Variants in FIRRM observed in about 807,000 individuals in gnomAD.
FIRRM encodes FIGNL1 interacting regulator of recombination and mitosis, also known as FIGNL1-interacting regulator of recombination and mitosis.
At chr1:169,826,762 T>G in the FIRRM span, among the ~76,000 whole-genome samples, 2 of 152,220 alleles carry the variant, frequency 1.3e-5, no homozygotes, top group Non-Finnish European at 2.9e-5. Context: ...TTTATAGTAT[T>G]TTTAAGGATA....
the FIRRM span, among the ~76,000 whole-genome samples, chr1:169,810,876 G>A: frequency 2.7e-5 from 2 of 74,590 alleles, no homozygotes; most frequent in African/African-American, 5.8e-5. Flanking sequence ...TTTTTGAGAC[G>A]GAGTCTCGCT....
At chr1:169,814,115 T>C in the FIRRM span, among the ~76,000 whole-genome samples, 2 of 152,252 alleles carry the variant, frequency 1.3e-5, no homozygotes, top group Non-Finnish European at 2.9e-5. Flanking sequence ...GATTATACTA[T>C]AAATTTATAG....
At chr1:169,811,050 C>T in the FIRRM span, among the ~76,000 whole-genome samples, 46 of 150,240 alleles carry the variant, frequency 3.1e-4, no homozygotes, top group African/African-American at 1.1e-3. Context: ...TTAGTAGAGA[C>T]GGGGTTTCAC....
chr1:169,820,613 T>G, the FIRRM span, among the ~76,000 whole-genome samples: 1 of 152,216 alleles, frequency 6.6e-6, no homozygotes, highest in African/African-American at 2.4e-5. Context: ...CATCTTTTCC[T>G]TTTATTAAGA....
At chr1:169,850,012 A>G in the FIRRM span, 30 of 512,592 alleles carry the variant, frequency 5.9e-5, no homozygotes, top group South Asian at 1.8e-4. Context: ...AGTCATGCCT[A>G]TGATCATAAG....
chr1:169,828,847 A>G, the FIRRM span, among the ~76,000 whole-genome samples: 2 of 152,172 alleles, frequency 1.3e-5, no homozygotes, highest in African/African-American at 4.8e-5. Flanking sequence ...CACCCTGCCC[A>G]TAACTTGACT....
At chr1:169,822,792 GC>G in the FIRRM span, among the ~76,000 whole-genome samples, 1 of 152,108 alleles carries the variant, frequency 6.6e-6, no homozygotes, top group South Asian at 2.1e-4. Flanking sequence ...GAGCCACTGT[GC>G]CCGGTCGACA....
chr1:169,811,699 A>G, the FIRRM span, among the ~76,000 whole-genome samples: 2 of 150,462 alleles, frequency 1.3e-5, no homozygotes, highest in Non-Finnish European at 3.0e-5. Flanking sequence ...TAGACAGATT[A>G]TCTAAATAGA....
At chr1:169,821,825 A>G in the FIRRM span, 2 of 1,045,954 alleles carry the variant, frequency 1.9e-6, no homozygotes, top group East Asian at 2.6e-5. Context: ...TATTATCCCT[A>G]TTCCACAGAA....
At chr1:169,803,406 A>G in the FIRRM span, 2 of 1,154,048 alleles carry the variant, frequency 1.7e-6, no homozygotes, top group Non-Finnish European at 2.3e-6. Flanking sequence ...ATTTTAGTCT[A>G]TATTATTGAA....
the FIRRM span, among the ~76,000 whole-genome samples, chr1:169,835,110 A>T: frequency 6.6e-6 from 1 of 152,204 alleles, no homozygotes; most frequent in Non-Finnish European, 1.5e-5. Flanking sequence ...AACTTGAAAT[A>T]ATTATTCAAC....
At chr1:169,790,891 CAG>C in the FIRRM span, among the ~76,000 whole-genome samples, 1 of 152,070 alleles carries the variant, frequency 6.6e-6, no homozygotes. Context: ...CACCAGGGAC[CAG>C]TTTTGTGGAA....
chr1:169,820,747 A>C, the FIRRM span, among the ~76,000 whole-genome samples: 1 of 152,186 alleles, frequency 6.6e-6, no homozygotes, highest in Admixed American at 6.5e-5. Flanking sequence ...TTGGTGCTGC[A>C]GTCTGCTTTT....
At chr1:169,792,707 A>T in the FIRRM span, 2 of 1,613,828 alleles carry the variant, frequency 1.2e-6, no homozygotes, top group Admixed American at 1.7e-5. Flanking sequence ...ACCTCCACCT[A>T]CACCAAAATA....
the FIRRM span, among the ~76,000 whole-genome samples, chr1:169,785,832 A>G: frequency 6.6e-6 from 1 of 152,220 alleles, no homozygotes; most frequent in Admixed American, 6.5e-5. Flanking sequence ...GTGCATATCA[A>G]TGTAATCAAA....
chr1:169,801,127 T>C, the FIRRM span, among the ~76,000 whole-genome samples: 26 of 152,224 alleles, frequency 1.7e-4, no homozygotes, highest in African/African-American at 6.3e-4. Context: ...ATAATGGTGT[T>C]AGTGTGATCA....
the FIRRM span, among the ~76,000 whole-genome samples, chr1:169,819,443 T>C: frequency 0.11 from 16,024 of 152,282 alleles, 1,022 homozygotes; most frequent in Admixed American, 0.18. Context: ...AAGTAATTTA[T>C]GATACCTCCA....
the FIRRM span, chr1:169,847,669 C>T: frequency 7.8e-5 from 118 of 1,511,706 alleles, no homozygotes; most frequent in Non-Finnish European, 1.0e-4. Context: ...TATAACTGTT[C>T]TTTGGTCTTC....
the FIRRM span, chr1:169,852,466 G>T: frequency 9.7e-6 from 3 of 309,894 alleles, no homozygotes; most frequent in African/African-American, 6.5e-5. Context: ...CTCATAAAAA[G>T]AAAATACATT....
Sources: gnomAD v4.1 joint callset for allele counts (sites outside exome capture counted in the v4.1 genomes callset) on GRCh38, gnomAD v4.1.1 for gene constraint, MANE v1.5 for transcripts, NCBI Gene and HGNC (gene_info 2026-07-23, HGNC 2026-07-21) for gene names.